The following KIF16B variants were observed in gnomAD, a reference collection of about 807,000 sequenced individuals.
KIF16B encodes the protein kinesin family member 16B, also known as kinesin-like protein KIF16B.
KIF16B carries 98 observed loss-of-function variants against 156.3 expected under a neutral mutation model. The ratio of observed to expected loss-of-function variants is 0.63; its 90% CI spans 0.53 to 0.74. The LOEUF (loss-of-function observed/expected upper bound fraction) is 0.74, where lower values mean the gene tolerates loss of function less well. Ranked by LOEUF, KIF16B falls within the 30% of genes least tolerant of loss-of-function variation. The pLI, the probability that KIF16B is intolerant of heterozygous loss-of-function variation, is 0.00. For synonymous variants in KIF16B, 564 were observed against 583.7 expected, an observed-to-expected ratio of 0.97 and a Z score of 0.49; for missense variants, 1,421 against 1,606.5, an observed-to-expected ratio of 0.88 and a Z score of 1.97.
intron 1 of KIF16B, among the ~76,000 whole-genome samples, chr20:16,547,560 A>G (rs2070461105): frequency 6.6e-6 from 1 of 152,148 alleles, no homozygotes; most frequent in Non-Finnish European, 1.5e-5. Flanking sequence ...CACCTTCTCC[A>G]GTGCCTCCAC....
intron 12 of KIF16B, among the ~76,000 whole-genome samples, chr20:16,473,269 C>G (rs766172020): frequency 5.3e-5 from 8 of 152,136 alleles, no homozygotes; most frequent in Non-Finnish European, 8.8e-5. Context: ...AAAGGCTCTC[C>G]CAACTTTTTA....
chr20:16,329,744 A>G (rs183339946), intron 24 of KIF16B, among the ~76,000 whole-genome samples: 4 of 152,324 alleles, frequency 2.6e-5, no homozygotes, highest in Admixed American at 2.6e-4. Flanking sequence ...TGAAGAGGAC[A>G]ACTTAATTCA....
chr20:16,275,913 G>A (rs2063054175), intron 25 of KIF16B, among the ~76,000 whole-genome samples: 1 of 152,232 alleles, frequency 6.6e-6, no homozygotes, highest in Admixed American at 6.5e-5. Context: ...TGCAATGCAT[G>A]TGCACAACTG....
chr20:16,453,045 C>A (rs542493301), intron 12 of KIF16B, among the ~76,000 whole-genome samples: 2 of 151,350 alleles, frequency 1.3e-5, no homozygotes, highest in South Asian at 4.2e-4. Context: ...TCTAAATAGA[C>A]CAAGTTCCAA....
At chr20:16,384,362 A>G (rs909629955) in intron 17 of KIF16B, among the ~76,000 whole-genome samples, 2 of 152,150 alleles carry the variant, frequency 1.3e-5, no homozygotes, top group African/African-American at 4.8e-5. Flanking sequence ...CCTAGGATCA[A>G]GGCAAGCTTC....
chr20:16,494,132 C>T (rs1600538044), intron 12 of KIF16B, among the ~76,000 whole-genome samples, 159 bp downstream of exon 12: 1 of 151,694 alleles, frequency 6.6e-6, no homozygotes, highest in East Asian at 1.9e-4. Flanking sequence ...TCTTCAAAAT[C>T]AAACCAGAAC....
intron 25 of KIF16B, among the ~76,000 whole-genome samples, chr20:16,297,628 G>A (rs559197050): frequency 2.3e-4 from 35 of 151,564 alleles, no homozygotes; most frequent in Non-Finnish European, 3.8e-4. Context: ...CCCAGGAGGC[G>A]GAGCTTGCAG....
chr20:16,343,731 C>A (rs2064181840), intron 23 of KIF16B, among the ~76,000 whole-genome samples: 1 of 152,088 alleles, frequency 6.6e-6, no homozygotes, highest in Non-Finnish European at 1.5e-5. Flanking sequence ...ATTAAAATCT[C>A]CTTACATACT....
At chr20:16,534,608 T>C (rs1168693011) in intron 1 of KIF16B, among the ~76,000 whole-genome samples, 6 of 152,238 alleles carry the variant, frequency 3.9e-5, no homozygotes, top group African/African-American at 1.4e-4. Flanking sequence ...CTGAAGAGCT[T>C]TCCCTATGTT....
chr20:16,348,994 A>G (rs1372775708), intron 23 of KIF16B, among the ~76,000 whole-genome samples: 1 of 152,196 alleles, frequency 6.6e-6, no homozygotes, highest in Non-Finnish European at 1.5e-5. Flanking sequence ...GCCTGGTCCC[A>G]TCCTGGTACC....
intron 3 of KIF16B, among the ~76,000 whole-genome samples, chr20:16,521,672 C>T (rs1331705492): frequency 6.6e-6 from 1 of 152,016 alleles, no homozygotes. Flanking sequence ...ACAGAGAACA[C>T]CACAAAAATA....
In KIF16B at chr20:16,315,312, T is replaced by A. The variant is rs576128432; in HGVS notation, c.3712-2894A>T. 1.2e-4 allele frequency among the ~76,000 whole-genome samples: 18 copies of A among 152,276 alleles called. No homozygotes were observed. In the South Asian group the frequency reaches 3.1e-3, roughly 26 times the overall value. ...GCCAATTCTAAGTGACTTTCAGGCC[T>A]ATAATCACAGGACCATGATACTCAA... On this transcript the variant is annotated intron_variant, in intron 24 of 25. Coordinates refer to ENST00000354981, the MANE Select transcript of KIF16B (RefSeq NM_024704.5).
chr20:16,422,692 G>A (rs1001301294), intron 15 of KIF16B, among the ~76,000 whole-genome samples: 1 of 152,040 alleles, frequency 6.6e-6, no homozygotes, highest in African/African-American at 2.4e-5. Context: ...ATACATAAAT[G>A]AACACAGTTC....
intron 12 of KIF16B, among the ~76,000 whole-genome samples, chr20:16,481,524 A>G (rs142589424): frequency 6.6e-6 from 1 of 152,324 alleles, no homozygotes; most frequent in Non-Finnish European, 1.5e-5. Flanking sequence ...AATAACTGCT[A>G]TATGTGGTTT....
intron 17 of KIF16B, among the ~76,000 whole-genome samples, chr20:16,397,126 G>A (rs2065526143): frequency 6.6e-6 from 1 of 152,228 alleles, no homozygotes; most frequent in Non-Finnish European, 1.5e-5. Context: ...CCTGTTTGCA[G>A]TCTCAAAGCA....
At chr20:16,406,291 A>G in intron 16 of KIF16B, 83 bp downstream of exon 16, 1 of 1,202,234 alleles carries the variant, frequency 8.3e-7, no homozygotes, top group Non-Finnish European at 1.2e-6. Context: ...CAGAAAGTCA[A>G]AAGATTGGAA....
At chr20:16,543,876 A>T (rs1271252599) in intron 1 of KIF16B, among the ~76,000 whole-genome samples, 1 of 152,210 alleles carries the variant, frequency 6.6e-6, no homozygotes, top group African/African-American at 2.4e-5. Context: ...CTCCCACTAC[A>T]GAGTCAGCAT....
intron 16 of KIF16B, 134 bp from the exon 17 acceptor site, chr20:16,405,035 G>A (rs1187229404): frequency 3.1e-6 from 2 of 650,956 alleles, no homozygotes; most frequent in African/African-American, 3.6e-5. Context: ...CAATTAACTG[G>A]TCTATCTGAG....
chr20:16,490,339 G>A (rs192448068), intron 12 of KIF16B, among the ~76,000 whole-genome samples: 1 of 152,146 alleles, frequency 6.6e-6, no homozygotes, highest in East Asian at 1.9e-4. Flanking sequence ...TCAGGAGTTC[G>A]AGAACAGCCT....
Sources: allele counts gnomAD v4.1 joint callset (sites outside exome capture counted in the v4.1 genomes callset), GRCh38; gene constraint gnomAD v4.1.1; transcripts MANE v1.5; gene names NCBI Gene and HGNC (gene_info 2026-07-23, HGNC 2026-07-21).